The following HS3ST5 variants were observed in gnomAD, a reference collection of about 807,000 sequenced individuals.
HS3ST5 encodes the protein heparan sulfate glucosamine 3-O-sulfotransferase 5.
Under a neutral mutation model 25.4 loss-of-function variants are expected in HS3ST5, and 10 were observed. That is an observed-to-expected ratio of 0.39 (90% confidence interval 0.24 to 0.67). The LOEUF (loss-of-function observed/expected upper bound fraction) is 0.67. HS3ST5 is among the 30% of genes least tolerant of loss of function. The pLI is 0.44. For synonymous variants in HS3ST5, 170 were observed against 162.4 expected (o/e 1.05, Z -0.36); for missense variants, 324 against 420.7 (o/e 0.77, Z 2.01).
chr6:114,081,621 A>C (rs1774454182), intron 3 of HS3ST5, among the ~76,000 whole-genome samples: 1 of 152,200 alleles, frequency 6.6e-6, no homozygotes, highest in African/African-American at 2.4e-5. Context: ...AGAGGAGATA[A>C]ACTAGTTGCT....
chr6:114,234,095 C>A (rs1050495692), intron 1 of HS3ST5, among the ~76,000 whole-genome samples: 6 of 151,972 alleles, frequency 3.9e-5, no homozygotes, highest in African/African-American at 4.8e-5. Context: ...GGAAGAGAGG[C>A]AGGAAATGTA....
At chr6:114,243,197 C>T (rs1420146363) in intron 1 of HS3ST5, among the ~76,000 whole-genome samples, 2 of 152,160 alleles carry the variant, frequency 1.3e-5, no homozygotes, top group Non-Finnish European at 2.9e-5. Context: ...TAGCCCACTC[C>T]AAGTGGCCCA....
intron 2 of HS3ST5, among the ~76,000 whole-genome samples, chr6:114,202,064 C>A (rs998999107): frequency 5.9e-5 from 9 of 151,944 alleles, no homozygotes; most frequent in African/African-American, 2.2e-4. Flanking sequence ...ACAGCCAAAT[C>A]ACATCAGAGG....
Position 114,192,953 on chromosome 6 carries a change from GT to G in HS3ST5, c.-144-24492del. Reference sequence around the variant, plus strand: ...CATAGAAGGTTATTATAATCTAAGTGTTTTTTTCATTTCTCCCACCTGCCCC... The same window carrying G: ...CATAGAAGGTTATTATAATCTAAGTGTTTTTTCATTTCTCCCACCTGCCCC... On this transcript the variant is annotated intron_variant, in intron 2 of 4. Transcript: ENST00000312719. 1.3e-5 allele frequency among the ~76,000 whole-genome samples: 2 copies of G among 151,990 alleles called. 1 individual carries two copies. The highest frequency in any genetic ancestry group is 3.8e-4 in the East Asian group (2 of 5,198).
intron 1 of HS3ST5, among the ~76,000 whole-genome samples, chr6:114,233,442 AAT>A (rs1771704441): frequency 6.6e-6 from 1 of 152,148 alleles, no homozygotes; most frequent in Non-Finnish European, 1.5e-5. Context: ...ACCCAGAAGA[AAT>A]ATATTATTAC....
At chr6:114,256,842 A>G (rs1772947670) in intron 1 of HS3ST5, among the ~76,000 whole-genome samples, 1 of 152,178 alleles carries the variant, frequency 6.6e-6, no homozygotes, top group Non-Finnish European at 1.5e-5. Context: ...AATTTACTGT[A>G]TTAATCTGTT....
intron 1 of HS3ST5, among the ~76,000 whole-genome samples, chr6:114,324,793 TC>T (rs1411520865): frequency 2.6e-5 from 4 of 152,164 alleles, no homozygotes; most frequent in African/African-American, 7.2e-5. Context: ...AGGGATGGGC[TC>T]CACAGGTCTG....
chr6:114,298,447 A>G (rs923808536), intron 1 of HS3ST5, among the ~76,000 whole-genome samples: 2 of 152,230 alleles, frequency 1.3e-5, no homozygotes, highest in African/African-American at 4.8e-5. Context: ...TAGTTTACCT[A>G]TAATATCTCA....
chr6:114,191,512 T>C (rs866137271), intron 2 of HS3ST5, among the ~76,000 whole-genome samples: 1 of 152,176 alleles, frequency 6.6e-6, no homozygotes, highest in African/African-American at 2.4e-5. Context: ...TCAAATTCTA[T>C]GAGAAGCAGT....
chr6:114,297,608 C>T (rs1774884202), intron 1 of HS3ST5, among the ~76,000 whole-genome samples: 1 of 152,132 alleles, frequency 6.6e-6, no homozygotes, highest in African/African-American at 2.4e-5. Flanking sequence ...TCCTGTGGCT[C>T]TAAAATTGTA....
intron 1 of HS3ST5, among the ~76,000 whole-genome samples, chr6:114,234,718 G>C (rs1370614371): frequency 6.6e-6 from 1 of 152,018 alleles, no homozygotes; most frequent in Non-Finnish European, 1.5e-5. Context: ...TTCATGTGTA[G>C]GATATTTTAT....
chr6:114,257,663 T>C (rs939540270), intron 1 of HS3ST5, among the ~76,000 whole-genome samples: 1 of 152,190 alleles, frequency 6.6e-6, no homozygotes, highest in African/African-American at 2.4e-5. Context: ...ATTCAATAAC[T>C]TTTGTCCACA....
intron 1 of HS3ST5, among the ~76,000 whole-genome samples, chr6:114,278,258 C>A (rs557275655): frequency 2.0e-5 from 3 of 151,978 alleles, no homozygotes; most frequent in Admixed American, 2.0e-4. Flanking sequence ...GAAATCCTTG[C>A]TGTTCAATTC....
At chr6:114,076,298 G>A (rs1774128091) in intron 3 of HS3ST5, among the ~76,000 whole-genome samples, 1 of 152,152 alleles carries the variant, frequency 6.6e-6, no homozygotes, top group African/African-American at 2.4e-5. Context: ...GAAGGGATGA[G>A]TTCAGCAATC....
intron 2 of HS3ST5, among the ~76,000 whole-genome samples, chr6:114,198,724 G>T (rs1368244208): frequency 6.6e-6 from 1 of 152,110 alleles, no homozygotes; most frequent in East Asian, 1.9e-4. Context: ...ACTGATTGTG[G>T]ACTTTACTTT....
intron 3 of HS3ST5, among the ~76,000 whole-genome samples, chr6:114,115,414 G>T (rs983075415): frequency 1.1e-4 from 17 of 152,146 alleles, no homozygotes; most frequent in African/African-American, 4.1e-4. Context: ...CTCTTAAAAA[G>T]CTAACCAAGT....
In HS3ST5 at chr6:114,342,438, C is replaced by T; in HGVS notation, c.-582G>A. On this transcript the variant is annotated 5_prime_UTR_variant, in exon 1 of 5. Coordinates refer to ENST00000312719, the MANE Select transcript of HS3ST5 (RefSeq NM_153612.4). ...CACACGCAGGCGGCGGCGGCGGCGGCGGCGGCGGCGAGGTCTGAGGCGGGG... is the reference window on the plus strand; with the variant it reads ...CACACGCAGGCGGCGGCGGCGGCGGTGGCGGCGGCGAGGTCTGAGGCGGGG... 1 of 193,928 alleles carries T rather than the reference C, an allele frequency of 5.2e-6. No individual in the cohort carries two copies. 12.0% of individuals were successfully genotyped at this position (193,928 alleles called of 1,614,324 possible).
chr6:114,089,458 G>T (rs1775011392), intron 3 of HS3ST5, among the ~76,000 whole-genome samples: 1 of 152,106 alleles, frequency 6.6e-6, no homozygotes, highest in Non-Finnish European at 1.5e-5. Context: ...ATCCTTTCGT[G>T]TCCTGGTCCC....
intron 2 of HS3ST5, among the ~76,000 whole-genome samples, chr6:114,170,002 C>T (rs1258055598): frequency 1.3e-5 from 2 of 152,114 alleles, no homozygotes; most frequent in African/African-American, 2.4e-5. Flanking sequence ...GGGAAAAACA[C>T]ACAATCTTCA....
Sources: gnomAD v4.1 joint callset for allele counts (sites outside exome capture counted in the v4.1 genomes callset) on GRCh38, gnomAD v4.1.1 for gene constraint, MANE v1.5 for transcripts, NCBI Gene and HGNC (gene_info 2026-07-23, HGNC 2026-07-21) for gene names.